Variants in SDK1 observed in about 807,000 individuals in gnomAD.
SDK1 encodes the protein protein sidekick-1.
In SDK1, 157 loss-of-function variants were observed where a neutral mutation model predicts 245.5. The observed-to-expected ratio is 0.64, with a 90% CI of 0.56 to 0.73. The LOEUF (loss-of-function observed/expected upper bound fraction) is 0.73, where lower values mean the gene tolerates loss of function less well. Ranked by LOEUF, SDK1 falls within the 30% of genes least tolerant of loss-of-function variation. The pLI, the probability that SDK1 is intolerant of heterozygous loss-of-function variation, is 0.00. For missense variants in SDK1, 3,583 were observed against 3,002.3 expected, an observed-to-expected ratio of 1.19 and a Z score of -4.52; for synonymous variants, 1,647 against 1,278.5, an observed-to-expected ratio of 1.29 and a Z score of -6.15.
chr7:4,200,066 G>C (rs925296637), intron 35 of SDK1, among the ~76,000 whole-genome samples: 3 of 152,132 alleles, frequency 2.0e-5, no homozygotes, highest in Non-Finnish European at 4.4e-5. Flanking sequence ...TTGCACTTCA[G>C]CCTCTGTGAC....
chr7:3,601,055 T>A (rs956272255), intron 1 of SDK1, among the ~76,000 whole-genome samples: 1 of 152,172 alleles, frequency 6.6e-6, no homozygotes, highest in Admixed American at 6.5e-5. Context: ...GAACCAGCCT[T>A]ACATACCTAG....
chr7:3,607,446 A>G (rs889092276), intron 1 of SDK1, among the ~76,000 whole-genome samples: 1 of 152,232 alleles, frequency 6.6e-6, no homozygotes, highest in African/African-American at 2.4e-5. Flanking sequence ...CTAAACTAGA[A>G]GATAAGCTCC....
intron 1 of SDK1, among the ~76,000 whole-genome samples, chr7:3,561,657 T>A (rs1187274718): frequency 6.6e-6 from 1 of 152,190 alleles, no homozygotes; most frequent in African/African-American, 2.4e-5. Context: ...ATCTGATGAC[T>A]TATTTTCTCC....
At chr7:4,191,901 A>T (rs1375117197) in intron 35 of SDK1, among the ~76,000 whole-genome samples, 1 of 152,218 alleles carries the variant, frequency 6.6e-6, no homozygotes, top group Non-Finnish European at 1.5e-5. Context: ...CATCCAACCC[A>T]CTGTTGAGAG....
At chr7:3,632,859 G>A (rs1289852018) in intron 2 of SDK1, among the ~76,000 whole-genome samples, 4 of 152,100 alleles carry the variant, frequency 2.6e-5, no homozygotes, top group Non-Finnish European at 4.4e-5. Context: ...TTCTGAGACA[G>A]CTTGTTATGG....
chr7:4,065,694 G>GTTGTTTTTTTTTTTT (rs1779841876), intron 19 of SDK1, among the ~76,000 whole-genome samples: 8 of 66,736 alleles, frequency 1.2e-4, no homozygotes, highest in African/African-American at 2.7e-4. Flanking sequence ...AGTGGTTGTT[G>GTTGTTTTTTTTTTTT]TTTTTTTTTT....
intron 1 of SDK1, among the ~76,000 whole-genome samples, chr7:3,574,851 AAGAAG>A (rs963370148): frequency 2.7e-4 from 41 of 152,210 alleles, no homozygotes; most frequent in Admixed American, 2.0e-3. Flanking sequence ...TTACAGAATT[AAGAAG>A]AGAAGTACCA....
At chr7:3,702,597 C>T (rs1784770656) in intron 4 of SDK1, among the ~76,000 whole-genome samples, 1 of 152,176 alleles carries the variant, frequency 6.6e-6, no homozygotes, top group Non-Finnish European at 1.5e-5. Flanking sequence ...ACACTGACTC[C>T]AGCACAGAGG....
At chr7:3,376,519 A>C (rs987704910) in intron 1 of SDK1, among the ~76,000 whole-genome samples, 8 of 152,206 alleles carry the variant, frequency 5.3e-5, no homozygotes, top group African/African-American at 1.4e-4. Context: ...TAAATGTATG[A>C]ACAGATATTA....
chr7:3,641,489 C>T (rs1260761328), intron 3 of SDK1, among the ~76,000 whole-genome samples: 1 of 152,074 alleles, frequency 6.6e-6, no homozygotes, highest in Non-Finnish European at 1.5e-5. Flanking sequence ...CCCAAAAGAT[C>T]TGTGCAGGAG....
Position 4,113,453 on chromosome 7 carries a change from A to G in SDK1, c.3585+14A>G. ...CTTCGCTGGGTGGTGAGTGGGGGTG[A>G]GAAGGGAGGCTGGAGGCACACGGGT... On this transcript the variant is annotated intron_variant, in intron 24 of 44. Coordinates refer to ENST00000404826, the MANE Select transcript of SDK1 (RefSeq NM_152744.4). 6.2e-7 allele frequency: 1 copy of G among 1,613,014 alleles called. No homozygotes were observed. The highest frequency in any genetic ancestry group is 1.1e-5 in the South Asian group (1 of 90,996).
intron 5 of SDK1, among the ~76,000 whole-genome samples, chr7:3,869,603 C>T (rs992057192): frequency 1.3e-5 from 2 of 152,228 alleles, no homozygotes; most frequent in African/African-American, 4.8e-5. Context: ...AGCTCCTCCC[C>T]TCCCTGCTTG....
At chr7:3,817,248 C>G (rs1378571113) in intron 4 of SDK1, among the ~76,000 whole-genome samples, 1 of 152,208 alleles carries the variant, frequency 6.6e-6, no homozygotes, top group Non-Finnish European at 1.5e-5. Context: ...TCCTGGAACT[C>G]TTCCCCTTGG....
intron 25 of SDK1, among the ~76,000 whole-genome samples, chr7:4,120,123 T>TAA (rs150179239): frequency 0.34 from 49,552 of 147,154 alleles, 11,195 homozygotes; most frequent in South Asian, 0.47. Flanking sequence ...AGATTGAAAA[T>TAA]AGAGATTAAA....
intron 16 of SDK1, among the ~76,000 whole-genome samples, chr7:4,013,785 A>G (rs2128150397): frequency 6.6e-6 from 1 of 152,332 alleles, no homozygotes; most frequent in South Asian, 2.1e-4. Flanking sequence ...GGGGTACACA[A>G]ATAGCTCCAA....
chr7:3,719,866 A>G (rs1415089558), intron 4 of SDK1, among the ~76,000 whole-genome samples: 2 of 151,840 alleles, frequency 1.3e-5, no homozygotes, highest in African/African-American at 4.8e-5. Flanking sequence ...AGTCCAAGCT[A>G]CTCAGGAGAC....
Position 3,792,408 on chromosome 7 carries a change from A to G in SDK1, c.714-29042A>G, listed in dbSNP as rs571413337. 1.9e-3 allele frequency among the ~76,000 whole-genome samples: 285 copies of G among 152,266 alleles called. 3 individuals carry two copies. The South Asian group carries it at 0.022, about 12-fold the overall frequency. On this transcript the variant is annotated intron_variant, in intron 4 of 44. Coordinates refer to ENST00000404826, the MANE Select transcript of SDK1 (RefSeq NM_152744.4). ...TAATTAATTTTGTTGTTTTCCTAAG[A>G]TCTACGTTCTTGAGGGCATGCACCG...
intron 4 of SDK1, among the ~76,000 whole-genome samples, chr7:3,755,315 C>G (rs898119813): frequency 2.3e-4 from 35 of 152,094 alleles, no homozygotes; most frequent in African/African-American, 7.7e-4. Context: ...AGGGACGACT[C>G]AGTCACTGGC....
intron 1 of SDK1, among the ~76,000 whole-genome samples, chr7:3,462,307 C>T (rs1216642918): frequency 6.6e-6 from 1 of 152,130 alleles, no homozygotes; most frequent in Admixed American, 6.6e-5. Context: ...TCTGCTCCCT[C>T]TCCTCTCAAT....
Sources: gnomAD v4.1 joint callset for allele counts (sites outside exome capture counted in the v4.1 genomes callset) on GRCh38, gnomAD v4.1.1 for gene constraint, MANE v1.5 for transcripts, NCBI Gene and HGNC (gene_info 2026-07-23, HGNC 2026-07-21) for gene names.